UNC5B: variants seen among roughly 807,000 people sequenced by gnomAD.
The protein encoded by UNC5B is unc-5 netrin receptor B.
A neutral mutation model predicts 103.7 loss-of-function variants in UNC5B; 56 were observed. The ratio of observed to expected loss-of-function variants is 0.54; its 90% CI spans 0.44 to 0.67. The LOEUF is 0.67. Among genes scored for constraint, UNC5B ranks in the 30% least tolerant of loss-of-function variants. The probability of loss-of-function intolerance (pLI) is 0.00; values close to 1 mark genes in which losing one functional copy is unlikely to be tolerated. For synonymous variants in UNC5B, 577 were observed against 542.0 expected, an observed-to-expected ratio of 1.06 and a Z score of -0.90; for missense variants, 1,194 against 1,284.5, an observed-to-expected ratio of 0.93 and a Z score of 1.08.
At chr10:71,236,735 C>G (rs1843782623) in intron 1 of UNC5B, among the ~76,000 whole-genome samples, 1 of 152,216 alleles carries the variant, frequency 6.6e-6, no homozygotes, top group Non-Finnish European at 1.5e-5. Flanking sequence ...CAAAGGAAGT[C>G]TGCTCTGCTT....
chr10:71,291,280 G>GCA, intron 9 of UNC5B, 152 bp from the exon 10 acceptor site: 1 of 1,343,070 alleles, frequency 7.4e-7, no homozygotes, highest in Non-Finnish European at 1.0e-6. Flanking sequence ...GAGAAGGAAG[G>GCA]GAGTGACCCA....
At chr10:71,297,599 C>T (rs1845474413) in intron 15 of UNC5B, among the ~76,000 whole-genome samples, 1 of 152,244 alleles carries the variant, frequency 6.6e-6, no homozygotes, top group African/African-American at 2.4e-5. Context: ...TCCACCTGTA[C>T]AAGAGGGTGC....
intron 1 of UNC5B, among the ~76,000 whole-genome samples, chr10:71,278,749 C>T (rs1337287716): frequency 6.6e-6 from 1 of 152,274 alleles, no homozygotes; most frequent in Non-Finnish European, 1.5e-5. Flanking sequence ...GGTGGGGCCT[C>T]TAGCTGGAGG....
In UNC5B at chr10:71,298,064, G is replaced by A. The variant is rs1241500227; in HGVS notation, c.2646G>A (p.Met882Ile). ...APNSRGNDWRMLAQKLSMDRY... is the reference protein window; with the variant it reads ...APNSRGNDWRILAQKLSMDRY... ...ACTCACGGGGCAATGACTGGCGGAT[G>A]TTAGCACAGAAGCTCTCTATGGACC... The change falls in exon 16 of 17, where the codon ATG (methionine) becomes ATA (isoleucine). Residue 882 changes from methionine (M) to isoleucine (I), a missense_variant. By Grantham distance (10) the Met-to-Ile change is conservative. Transcript: ENST00000335350. 2 of 1,612,476 alleles carry A rather than the reference G, an allele frequency of 1.2e-6. No homozygotes were observed. Among genetic ancestry groups the A allele is most frequent in the African/African-American group, 1.3e-5 (1 of 75,058 alleles).
chr10:71,295,450 T>C (rs111355610), intron 13 of UNC5B, among the ~76,000 whole-genome samples: 8 of 152,308 alleles, frequency 5.3e-5, no homozygotes, highest in African/African-American at 1.9e-4. Context: ...ATTGCTCGTC[T>C]ATCCATTCAT....
chr10:71,238,847 A>G (rs991655072), intron 1 of UNC5B, among the ~76,000 whole-genome samples: 1 of 152,128 alleles, frequency 6.6e-6, no homozygotes, highest in East Asian at 1.9e-4. Context: ...TGGCGCAATC[A>G]TAGCTCACTG....
intron 1 of UNC5B, among the ~76,000 whole-genome samples, chr10:71,275,482 G>A (rs1437075285): frequency 1.3e-5 from 2 of 152,162 alleles, no homozygotes; most frequent in African/African-American, 2.4e-5. Flanking sequence ...GTTGCCCCTC[G>A]TTTTCATTTG....
Position 71,212,710 on chromosome 10 carries a change from A to G in UNC5B, c.-276A>G. On this transcript the variant is annotated 5_prime_UTR_variant, in exon 1 of 17. Transcript: ENST00000335350. ...AGCGGTCGCGCAACTTCGGAGGCAC[A>G]GCGCCGGAGCCAGGCGAGCGCTCAG... is the stretch of plus-strand genomic sequence containing the variant. The G allele has an allele frequency of 3.3e-6, 1 of 306,628 alleles. No homozygotes were observed. The highest frequency in any genetic ancestry group is 6.0e-6 in the Non-Finnish European group (1 of 167,090). 19.0% of individuals were successfully genotyped at this position (306,628 alleles called of 1,614,324 possible). A position where few individuals can be genotyped will look rare whatever the true frequency, so the allele number is the denominator to read the frequency against.
chr10:71,213,082 C>CT lies in UNC5B; in HGVS notation c.79+19dup, dbSNP rs1843260529. The stretch of plus-strand genomic sequence containing the variant: ...CCAAGCAGGTAGGAAGCGATCGGGT[C>CT]TGGGGGCGCGGGGCTAGGGGACCCT... On this transcript the variant is annotated intron_variant, in intron 1 of 16. Transcript: ENST00000335350. This position sits in a 1 kb window ranked among gnomAD's most constrained non-coding sequence, Gnocchi z 4.1. 7.5e-7 allele frequency: 1 copy of CT among 1,327,404 alleles called. No homozygotes were observed. Among genetic ancestry groups the CT allele is most frequent in the African/African-American group, 1.5e-5 (1 of 66,578 alleles). The allele number at this position is 1,327,404 out of a possible 1,614,324, so 82.2% of individuals were successfully genotyped here. A position where few individuals can be genotyped will look rare whatever the true frequency, so the allele number is the denominator to read the frequency against.
intron 1 of UNC5B, among the ~76,000 whole-genome samples, chr10:71,275,351 G>A (rs1026388441): frequency 6.6e-6 from 1 of 152,230 alleles, no homozygotes; most frequent in Non-Finnish European, 1.5e-5. Flanking sequence ...TGTCTTAGAT[G>A]TGGTTCCTCT....
chr10:71,260,999 G>C (rs908615571), intron 1 of UNC5B, among the ~76,000 whole-genome samples: 1 of 152,240 alleles, frequency 6.6e-6, no homozygotes, highest in African/African-American at 2.4e-5. Context: ...CAGCAGAGCA[G>C]CCGGCTGGTT....
intron 1 of UNC5B, among the ~76,000 whole-genome samples, chr10:71,258,466 C>T (rs530007151): frequency 1.3e-5 from 2 of 152,176 alleles, no homozygotes; most frequent in African/African-American, 4.8e-5. Context: ...ACCCATTCCT[C>T]CTCCAAGCCC....
At chr10:71,281,384 G>A (rs894335834) in intron 2 of UNC5B, among the ~76,000 whole-genome samples, 12 of 150,330 alleles carry the variant, frequency 8.0e-5, no homozygotes, top group Admixed American at 2.0e-4. Flanking sequence ...TCTGTCACCC[G>A]GGCTAGAGTA....
At position 71,299,491 on chromosome 10, in the gene UNC5B, C is replaced by A; in HGVS notation, c.*214C>A. On this transcript the variant is annotated 3_prime_UTR_variant, in exon 17 of 17. Transcript: ENST00000335350. ...AGGGCCCAGAGTTCCTTCTCCACCC[C>A]CGCTCTCTCTCTCTTGGCCTGAGAT... 1.8e-6 allele frequency: 1 copy of A among 562,050 alleles called. No individual in the cohort carries two copies. The highest frequency in any genetic ancestry group is 3.1e-6 in the Non-Finnish European group (1 of 320,870). The allele number at this position is 562,050 out of a possible 1,614,324, so 34.8% of individuals were successfully genotyped here.
intron 1 of UNC5B, among the ~76,000 whole-genome samples, chr10:71,223,461 T>G (rs1202415495): frequency 6.6e-6 from 1 of 152,180 alleles, no homozygotes; most frequent in Admixed American, 6.5e-5. Flanking sequence ...GCTGCTTGCT[T>G]TCTTTGAGCA....
chr10:71,217,989 CT>C (rs998294794), intron 1 of UNC5B: 1 of 152,504 alleles, frequency 6.6e-6, no homozygotes, highest in African/African-American at 2.4e-5. Context: ...GTGCTTGCAA[CT>C]TACCCCTTCG....
At chr10:71,221,882 G>A (rs1460487012) in intron 1 of UNC5B, among the ~76,000 whole-genome samples, 23 of 152,172 alleles carry the variant, frequency 1.5e-4, no homozygotes, top group Admixed American at 1.5e-3. Context: ...TCCTTCATTT[G>A]TAAAATGGGA....
At chr10:71,259,748 C>G (rs549248449) in intron 1 of UNC5B, among the ~76,000 whole-genome samples, 1 of 152,340 alleles carries the variant, frequency 6.6e-6, no homozygotes, top group South Asian at 2.1e-4. Context: ...CTTGCCCAGG[C>G]CCCACAGGGA....
intron 1 of UNC5B, among the ~76,000 whole-genome samples, chr10:71,253,443 C>T (rs548904631): frequency 1.3e-5 from 2 of 152,338 alleles, no homozygotes; most frequent in South Asian, 2.1e-4. Context: ...ACCTTCTCCT[C>T]GTCCATTGCC....
Sources: gnomAD v4.1 joint callset for allele counts (sites outside exome capture counted in the v4.1 genomes callset) on GRCh38, gnomAD v4.1.1 for gene constraint, Gnocchi (gnomAD v3.1) non-coding constraint, MANE v1.5 for transcripts, NCBI Gene and HGNC (gene_info 2026-07-23, HGNC 2026-07-21) for gene names.